The following C7orf78 variants were observed in gnomAD, a reference collection of about 807,000 sequenced individuals.
C7orf78 encodes chromosome 7 open reading frame 78.
At chr7:12,528,902 T>C in the C7orf78 span, 2 of 398,308 alleles carry the variant, frequency 5.0e-6, no homozygotes, top group Non-Finnish European at 8.9e-6. Context: ...CTATCTCTAG[T>C]ACATGGGTAC....
the C7orf78 span, chr7:12,523,534 T>C: frequency 1.3e-5 from 5 of 395,344 alleles, no homozygotes; most frequent in Non-Finnish European, 2.2e-5. Context: ...AGGAAAATGG[T>C]ATGTGTATAT....
chr7:12,539,347 C>T, the C7orf78 span, among the ~76,000 whole-genome samples: 1 of 152,142 alleles, frequency 6.6e-6, no homozygotes, highest in Non-Finnish European at 1.5e-5. Flanking sequence ...ACCTGTAGTC[C>T]CAGCTACTTG....
chr7:12,500,297 T>C, the C7orf78 span, among the ~76,000 whole-genome samples: 1 of 151,688 alleles, frequency 6.6e-6, no homozygotes, highest in Non-Finnish European at 1.5e-5. Flanking sequence ...AGGAGCTTGT[T>C]TTTTGAAATG....
the C7orf78 span, among the ~76,000 whole-genome samples, chr7:12,496,204 C>A: frequency 6.6e-6 from 1 of 152,182 alleles, no homozygotes; most frequent in Non-Finnish European, 1.5e-5. Flanking sequence ...GGAATACAGG[C>A]GTGAGCCACC....
At chr7:12,524,050 C>G in the C7orf78 span, among the ~76,000 whole-genome samples, 2 of 152,058 alleles carry the variant, frequency 1.3e-5, no homozygotes, top group African/African-American at 4.8e-5. Context: ...AACAGTAGAA[C>G]TGATAGAACA....
chr7:12,513,741 C>A, the C7orf78 span, among the ~76,000 whole-genome samples: 2 of 151,618 alleles, frequency 1.3e-5, no homozygotes, highest in African/African-American at 4.9e-5. Flanking sequence ...TGGCTCATGC[C>A]TGTAATCCCA....
the C7orf78 span, among the ~76,000 whole-genome samples, chr7:12,493,232 C>T: frequency 1.3e-5 from 2 of 151,972 alleles, no homozygotes; most frequent in African/African-American, 4.8e-5. Flanking sequence ...TCCTTATTGG[C>T]TTTTGAAGAT....
the C7orf78 span, among the ~76,000 whole-genome samples, chr7:12,535,257 T>TCCCC: frequency 6.6e-6 from 1 of 152,136 alleles, no homozygotes; most frequent in Non-Finnish European, 1.5e-5. Context: ...TTTATTGGAC[T>TCCCC]TACAGTTCCA....
chr7:12,497,669 C>A, the C7orf78 span, among the ~76,000 whole-genome samples: 2 of 152,142 alleles, frequency 1.3e-5, no homozygotes, highest in Non-Finnish European at 2.9e-5. Context: ...GGGCGCCCAC[C>A]ATTGCCCAGG....
chr7:12,497,539 C>A, the C7orf78 span, among the ~76,000 whole-genome samples: 1 of 152,176 alleles, frequency 6.6e-6, no homozygotes, highest in African/African-American at 2.4e-5. Flanking sequence ...GCTTAAAAAA[C>A]GGTGCACCAT....
chr7:12,528,547 C>G, the C7orf78 span, among the ~76,000 whole-genome samples: 46 of 152,190 alleles, frequency 3.0e-4, no homozygotes, highest in African/African-American at 1.1e-3. Context: ...ATGTGTCACT[C>G]ACTTTGGTAG....
the C7orf78 span, among the ~76,000 whole-genome samples, chr7:12,494,916 G>A: frequency 6.6e-6 from 1 of 151,156 alleles, no homozygotes; most frequent in African/African-American, 2.4e-5. Flanking sequence ...AAAGTCACCA[G>A]GTACCGATAG....
the C7orf78 span, among the ~76,000 whole-genome samples, chr7:12,499,718 C>A: frequency 6.6e-6 from 1 of 151,772 alleles, no homozygotes; most frequent in Non-Finnish European, 1.5e-5. Context: ...CTCAGCTCTG[C>A]ACCAAGTGGA....
the C7orf78 span, among the ~76,000 whole-genome samples, chr7:12,537,502 C>A: frequency 6.6e-6 from 1 of 152,190 alleles, no homozygotes; most frequent in African/African-American, 2.4e-5. Flanking sequence ...AATTAGAACT[C>A]CTATACACTG....
chr7:12,490,513 G>C, the C7orf78 span, among the ~76,000 whole-genome samples: 2 of 152,190 alleles, frequency 1.3e-5, no homozygotes, highest in Non-Finnish European at 2.9e-5. Context: ...TTATATTCCA[G>C]GAACTGATTT....
At chr7:12,503,906 T>C in the C7orf78 span, among the ~76,000 whole-genome samples, 1 of 152,010 alleles carries the variant, frequency 6.6e-6, no homozygotes, top group Non-Finnish European at 1.5e-5. Context: ...AGCTAGGTGT[T>C]TGAGACCAGC....
At chr7:12,497,697 A>C in the C7orf78 span, among the ~76,000 whole-genome samples, 2 of 152,142 alleles carry the variant, frequency 1.3e-5, no homozygotes, top group Non-Finnish European at 1.5e-5. Flanking sequence ...AGGTAAACAA[A>C]GCAGCTGGGA....
chr7:12,534,891 C>T, the C7orf78 span, among the ~76,000 whole-genome samples: 1 of 151,704 alleles, frequency 6.6e-6, no homozygotes, highest in Non-Finnish European at 1.5e-5. Flanking sequence ...AAGGTTGAGG[C>T]TGCAGTGTTC....
At chr7:12,492,821 C>T in the C7orf78 span, among the ~76,000 whole-genome samples, 1 of 152,196 alleles carries the variant, frequency 6.6e-6, no homozygotes, top group Admixed American at 6.5e-5. Context: ...TGAACTGATT[C>T]TGCTCTTTAA....
Sources: allele counts gnomAD v4.1 joint callset (sites outside exome capture counted in the v4.1 genomes callset), GRCh38; gene constraint gnomAD v4.1.1; transcripts MANE v1.5; gene names NCBI Gene and HGNC (gene_info 2026-07-23, HGNC 2026-07-21).